Variants in GUCY1A2 observed in about 807,000 individuals in gnomAD.
GUCY1A2 encodes guanylate cyclase 1 soluble subunit alpha 2.
A neutral mutation model predicts 63.5 loss-of-function variants in GUCY1A2; 27 were observed. The observed-to-expected ratio is 0.43, with a 90% CI of 0.31 to 0.59. GUCY1A2 has a LOEUF of 0.59. Among genes scored for constraint, GUCY1A2 ranks in the 20% least tolerant of loss-of-function variants. The pLI, the probability that GUCY1A2 is intolerant of heterozygous loss-of-function variation, is 0.11. For synonymous variants in GUCY1A2, 364 were observed against 343.5 expected (o/e 1.06, Z -0.66); for missense variants, 768 against 913.3 (o/e 0.84, Z 2.05).
chr11:106,965,926 TA>T (rs5794511), intron 3 of GUCY1A2, among the ~76,000 whole-genome samples: 100 of 145,790 alleles, frequency 6.9e-4, no homozygotes, highest in Middle Eastern at 3.7e-3. Flanking sequence ...AAGTGAAGGT[TA>T]AAAAAAAAAA....
At chr11:106,848,524 CTTGTT>C (rs1859308413) in intron 4 of GUCY1A2, among the ~76,000 whole-genome samples, 1 of 151,728 alleles carries the variant, frequency 6.6e-6, no homozygotes, top group African/African-American at 2.4e-5. Flanking sequence ...AGCATATCTT[CTTGTT>C]TTAACAGTGG....
chr11:106,870,249 T>C (rs1218856556), intron 4 of GUCY1A2, among the ~76,000 whole-genome samples: 3 of 151,902 alleles, frequency 2.0e-5, no homozygotes, highest in Non-Finnish European at 4.4e-5. Flanking sequence ...GAACTTAAAG[T>C]ATAATAAAAA....
intron 3 of GUCY1A2, among the ~76,000 whole-genome samples, chr11:106,948,671 G>A (rs1860863022): frequency 6.6e-6 from 1 of 151,964 alleles, no homozygotes; most frequent in Admixed American, 6.6e-5. Context: ...AATACTGTGA[G>A]ATATGAAAAT....
At chr11:106,980,084 TCTGA>T (rs748055774) in intron 2 of GUCY1A2, among the ~76,000 whole-genome samples, 1 of 152,166 alleles carries the variant, frequency 6.6e-6, no homozygotes, top group Non-Finnish European at 1.5e-5. Flanking sequence ...TACTCCCCTG[TCTGA>T]CTGATAAGAG....
intron 1 of GUCY1A2, among the ~76,000 whole-genome samples, chr11:107,013,839 T>C (rs55699569): frequency 0.019 from 2,833 of 152,278 alleles, 82 homozygotes; most frequent in African/African-American, 0.064. Flanking sequence ...TCTTATGTTT[T>C]CCCTTTATAT....
intron 3 of GUCY1A2, among the ~76,000 whole-genome samples, chr11:106,973,924 G>A (rs192622822): frequency 3.4e-4 from 51 of 152,034 alleles, no homozygotes; most frequent in Admixed American, 2.2e-3. Context: ...TCATTTAATC[G>A]TCTTGGCAAC....
chr11:106,891,258 A>T (rs1859969813), intron 4 of GUCY1A2, among the ~76,000 whole-genome samples: 1 of 152,144 alleles, frequency 6.6e-6, no homozygotes, highest in African/African-American at 2.4e-5. Context: ...TCCATTTATT[A>T]AAAAATAGCT....
chr11:106,746,421 T>C (rs1863788586), intron 6 of GUCY1A2: 1 of 534,136 alleles, frequency 1.9e-6, no homozygotes, highest in South Asian at 2.5e-5. Flanking sequence ...CTACCAGTAC[T>C]ACTACAAACA....
chr11:106,745,866 C>T (rs1863778483), intron 6 of GUCY1A2, among the ~76,000 whole-genome samples: 2 of 152,286 alleles, frequency 1.3e-5, no homozygotes, highest in Admixed American at 1.3e-4. Context: ...ATTTTGAGCC[C>T]AGCAAATCTG....
chr11:107,001,209 G>GT (rs142352291), intron 1 of GUCY1A2, among the ~76,000 whole-genome samples: 1,773 of 152,324 alleles, frequency 0.012, 12 homozygotes, highest in Non-Finnish European at 0.019. Flanking sequence ...TAGCAGAGCA[G>GT]TAGGTGGGGA....
rs528214664 is a variant in GUCY1A2, at chr11:106,985,524, A to T, written c.365+546T>A. Among the ~76,000 whole-genome samples the T allele has an allele frequency of 3.3e-5, 5 of 152,346 alleles. No homozygotes were observed. In the South Asian group the frequency reaches 1.0e-3, roughly 32 times the overall value. ...AAGAGATAAAGTTACTTAGTAAAAG[A>T]TCTATTTGCTAGTGAGGCCTTGAAG... On this transcript the variant is annotated intron_variant, in intron 2 of 7. Coordinates refer to ENST00000526355, the MANE Select transcript of GUCY1A2 (RefSeq NM_000855.3).
chr11:106,987,535 C>T (rs1018299848), intron 1 of GUCY1A2, among the ~76,000 whole-genome samples: 1 of 151,960 alleles, frequency 6.6e-6, no homozygotes, highest in African/African-American at 2.4e-5. Context: ...GCCTGTAGTC[C>T]CAGCTGCCTG....
chr11:107,008,632 G>A (rs144550572), intron 1 of GUCY1A2, among the ~76,000 whole-genome samples: 79 of 152,148 alleles, frequency 5.2e-4, no homozygotes, highest in Admixed American at 1.8e-3. Flanking sequence ...CTAGGCATGC[G>A]CATACATAGA....
At chr11:106,847,854 T>C (rs1470581468) in intron 4 of GUCY1A2, among the ~76,000 whole-genome samples, 2 of 151,362 alleles carry the variant, frequency 1.3e-5, no homozygotes, top group African/African-American at 4.8e-5. Context: ...TAAGAAATGC[T>C]TTTTTTTAAA....
chr11:106,821,894 G>C (rs535324198), intron 4 of GUCY1A2, among the ~76,000 whole-genome samples: 3 of 151,760 alleles, frequency 2.0e-5, no homozygotes, highest in Admixed American at 2.0e-4. Flanking sequence ...TCCATTCCTC[G>C]TTTCAATTCT....
chr11:106,842,098 T>G (rs1859206688), intron 4 of GUCY1A2, among the ~76,000 whole-genome samples: 1 of 151,884 alleles, frequency 6.6e-6, no homozygotes, highest in African/African-American at 2.4e-5. Context: ...TTATTCATTC[T>G]CTTGGTTTGC....
chr11:106,778,068 G>A (rs1305121906), intron 5 of GUCY1A2, among the ~76,000 whole-genome samples: 2 of 152,096 alleles, frequency 1.3e-5, no homozygotes, highest in African/African-American at 2.4e-5. Context: ...TGGAATAAAA[G>A]TTCTATTACT....
intron 4 of GUCY1A2, chr11:106,827,360 C>T: frequency 6.4e-7 from 1 of 1,557,284 alleles, no homozygotes; most frequent in Admixed American, 1.7e-5. Flanking sequence ...TTCCCTATAG[C>T]TTTATCTTTA....
At chr11:106,735,554 T>C (rs1011178517) in intron 6 of GUCY1A2, among the ~76,000 whole-genome samples, 1 of 152,208 alleles carries the variant, frequency 6.6e-6, no homozygotes, top group Non-Finnish European at 1.5e-5. Context: ...ACAGGTTGAA[T>C]GCAAATCTTG....
Sources: allele counts gnomAD v4.1 joint callset (sites outside exome capture counted in the v4.1 genomes callset), GRCh38; gene constraint gnomAD v4.1.1; transcripts MANE v1.5; gene names NCBI Gene and HGNC (gene_info 2026-07-23, HGNC 2026-07-21).